The following RAP1A variants were observed in gnomAD, a reference collection of about 807,000 sequenced individuals.
RAP1A encodes ras-related protein Rap-1A.
In RAP1A, 6 loss-of-function variants were observed where a neutral mutation model predicts 26.4. The observed-to-expected ratio is 0.23, with a 90% CI of 0.12 to 0.45. The LOEUF (loss-of-function observed/expected upper bound fraction) is 0.45, where lower values mean the gene tolerates loss of function less well. Ranked by LOEUF, RAP1A falls within the 20% of genes least tolerant of loss-of-function variation. The pLI is 0.99. For missense variants in RAP1A, 121 were observed against 217.2 expected (o/e 0.56, Z 2.78); for synonymous variants, 73 against 79.4 (o/e 0.92, Z 0.43).
intron 1 of RAP1A, among the ~76,000 whole-genome samples, chr1:111,551,254 A>G (rs1484964184): frequency 1.3e-5 from 2 of 152,308 alleles, no homozygotes; most frequent in East Asian, 3.9e-4. Context: ...CTGAAAAGAA[A>G]GGGCTTACGT....
intron 1 of RAP1A, among the ~76,000 whole-genome samples, chr1:111,647,651 A>G (rs1295930395): frequency 6.6e-6 from 1 of 152,094 alleles, no homozygotes; most frequent in Non-Finnish European, 1.5e-5. Context: ...TGATATGGCT[A>G]ATGTTTCAAT....
At chr1:111,547,352 A>AT (rs746696530) in intron 1 of RAP1A, among the ~76,000 whole-genome samples, 4 of 151,954 alleles carry the variant, frequency 2.6e-5, no homozygotes, top group African/African-American at 7.2e-5. Flanking sequence ...TGAGATGATG[A>AT]TTTTTTTCCC....
At chr1:111,613,956 T>C (rs544938440) in intron 1 of RAP1A, among the ~76,000 whole-genome samples, 1 of 152,330 alleles carries the variant, frequency 6.6e-6, no homozygotes, top group Admixed American at 6.5e-5. Flanking sequence ...CACAGACACA[T>C]GCTCCTGAAT....
intron 1 of RAP1A, among the ~76,000 whole-genome samples, chr1:111,570,642 T>A (rs1658031585): frequency 6.6e-6 from 1 of 152,140 alleles, no homozygotes; most frequent in African/African-American, 2.4e-5. Flanking sequence ...GGCTAAGAAG[T>A]TCAAGGGCAT....
chr1:111,542,262 C>A (rs894248752), exon 1 of RAP1A: 3 of 607,020 alleles, frequency 4.9e-6, no homozygotes, highest in Admixed American at 1.9e-5. Flanking sequence ...ATATTGAGGC[C>A]GTATTTCAGG....
At chr1:111,685,478 C>A (rs535761060) in intron 1 of RAP1A, among the ~76,000 whole-genome samples, 1 of 151,996 alleles carries the variant, frequency 6.6e-6, no homozygotes, top group East Asian at 1.9e-4. Flanking sequence ...TGAACAGACA[C>A]TTCTCAAAAG....
At chr1:111,688,206 G>GT (rs1246569868) in intron 1 of RAP1A, among the ~76,000 whole-genome samples, 1 of 146,806 alleles carries the variant, frequency 6.8e-6, no homozygotes, top group Non-Finnish European at 1.5e-5. Flanking sequence ...AGGTTGACCA[G>GT]TTTTTTCTTT....
intron 1 of RAP1A, among the ~76,000 whole-genome samples, chr1:111,576,367 T>C (rs776581112): frequency 2.6e-4 from 39 of 152,136 alleles, no homozygotes; most frequent in Non-Finnish European, 4.6e-4. Flanking sequence ...TTTGTATATA[T>C]CATGACTAGA....
intron 1 of RAP1A, among the ~76,000 whole-genome samples, chr1:111,583,828 G>T (rs1035994964): frequency 6.7e-5 from 10 of 148,970 alleles, no homozygotes; most frequent in African/African-American, 2.5e-4. Context: ...ATATAATAAT[G>T]TTGAATAAGC....
At chr1:111,593,318 C>T (rs1571487480) in intron 1 of RAP1A, among the ~76,000 whole-genome samples, 1 of 152,316 alleles carries the variant, frequency 6.6e-6, no homozygotes, top group East Asian at 1.9e-4. Flanking sequence ...TAATTAGGAA[C>T]CTGCAATGAT....
At chr1:111,634,400 A>G (rs1334714836) in intron 1 of RAP1A, among the ~76,000 whole-genome samples, 1 of 151,908 alleles carries the variant, frequency 6.6e-6, no homozygotes, top group African/African-American at 2.4e-5. Context: ...CAGTGTTTAC[A>G]TAGTATGATT....
At chr1:111,634,048 A>T (rs1457978780) in intron 1 of RAP1A, among the ~76,000 whole-genome samples, 1 of 152,140 alleles carries the variant, frequency 6.6e-6, no homozygotes, top group African/African-American at 2.4e-5. Context: ...GTCAATTTTG[A>T]TCTTTTGCAT....
At chr1:111,635,702 G>A (rs1571514603) in intron 1 of RAP1A, among the ~76,000 whole-genome samples, 1 of 152,020 alleles carries the variant, frequency 6.6e-6, no homozygotes, top group East Asian at 1.9e-4. Context: ...GGTAGCTGGG[G>A]TTATAGGCTT....
At chr1:111,545,032 A>G (rs1299230469) in intron 1 of RAP1A, among the ~76,000 whole-genome samples, 1 of 114,156 alleles carries the variant, frequency 8.8e-6, no homozygotes, top group African/African-American at 3.4e-5. Context: ...TTTCTTGGGT[A>G]TATCCAATTT....
chr1:111,648,541 C>G, intron 1 of RAP1A: 1 of 559,894 alleles, frequency 1.8e-6, no homozygotes, highest in Non-Finnish European at 3.4e-6. Context: ...TGTGCCAGCT[C>G]TGACTGCAGT....
intron 1 of RAP1A, among the ~76,000 whole-genome samples, chr1:111,656,863 A>G (rs1453568012): frequency 6.6e-6 from 1 of 151,986 alleles, no homozygotes; most frequent in East Asian, 1.9e-4. Flanking sequence ...ATAACATACC[A>G]TTGTAATTAT....
At chr1:111,696,409 C>T (rs1212255563) in intron 3 of RAP1A, among the ~76,000 whole-genome samples, 2 of 152,154 alleles carry the variant, frequency 1.3e-5, no homozygotes, top group South Asian at 2.1e-4. Flanking sequence ...GAATTATGCT[C>T]TAGATACATC....
intron 1 of RAP1A, among the ~76,000 whole-genome samples, chr1:111,569,347 C>T (rs4322229): frequency 0.52 from 76,741 of 148,982 alleles, 21,022 homozygotes; most frequent in East Asian, 0.79. Flanking sequence ...TGCAGTTAGC[C>T]GAGATCGCAC....
At chr1:111,626,933 G>A (rs1659418740) in intron 1 of RAP1A, among the ~76,000 whole-genome samples, 1 of 151,946 alleles carries the variant, frequency 6.6e-6, no homozygotes, top group African/African-American at 2.4e-5. Context: ...CAACCTAAAA[G>A]TAAAGGTGAG....
Sources: allele counts gnomAD v4.1 joint callset (sites outside exome capture counted in the v4.1 genomes callset), GRCh38; gene constraint gnomAD v4.1.1; transcripts MANE v1.5; gene names NCBI Gene and HGNC (gene_info 2026-07-23, HGNC 2026-07-21).